The following SPNS2 variants were observed in gnomAD, a reference collection of about 807,000 sequenced individuals.
The protein encoded by SPNS2 is SPNS lysolipid transporter 2, sphingosine-1-phosphate, also known as sphingosine-1-phosphate transporter SPNS2.
A neutral mutation model predicts 57.6 loss-of-function variants in SPNS2; 37 were observed. The ratio of observed to expected loss-of-function variants is 0.64; its 90% CI spans 0.49 to 0.85. The LOEUF is 0.85. Ranked by LOEUF, SPNS2 falls within the 40% of genes least tolerant of loss-of-function variation. SPNS2 has a pLI of 0.00. For missense variants in SPNS2, 831 were observed against 779.1 expected (o/e 1.07, Z -0.79); for synonymous variants, 440 against 346.9 (o/e 1.27, Z -2.98).
chr17:4,532,845 C>T, intron 6 of SPNS2, 132 bp from the exon 7 acceptor site: 1 of 1,458,328 alleles, frequency 6.9e-7, no homozygotes, highest in Non-Finnish European at 9.2e-7. Flanking sequence ...ATTATTCCTG[C>T]AGCCTGAACC....
chr17:4,513,435 G>A, intron 2 of SPNS2, 123 bp downstream of exon 2: 1 of 1,023,198 alleles, frequency 9.8e-7, no homozygotes. Context: ...AAGAGAGTGG[G>A]CTTTGCATCC....
rs1395107719 is a variant in SPNS2, at chr17:4,499,343, G to T, written c.296G>T (p.Arg99Leu). 4 of 1,457,030 alleles carry T rather than the reference G, an allele frequency of 2.7e-6. No individual in the cohort carries two copies. In the South Asian group the frequency reaches 5.3e-5, roughly 19 times the overall value. 90.3% of individuals were successfully genotyped at this position (1,457,030 alleles called of 1,614,324 possible). Reference sequence around the variant, plus strand: ...CAGCCCAAACCGGCCAGCTTGGGCCGCGGGCGGGGGGCAGCCGCCGCCATC... The same window carrying T: ...CAGCCCAAACCGGCCAGCTTGGGCCTCGGGCGGGGGGCAGCCGCCGCCATC... ...AQQPKPASLG[R>L]GRGAAAAILS... Residue 99 changes from arginine to leucine, a missense_variant, in exon 1 of 13, where the codon CGC (arginine) becomes CTC (leucine). Coordinates refer to ENST00000329078, the MANE Select transcript of SPNS2 (RefSeq NM_001124758.3). The surrounding 1 kb of genome is among the most constrained non-coding windows in gnomAD (Gnocchi z 5.2).
chr17:4,498,937 G>C lies in SPNS2; in HGVS notation c.-111G>C, dbSNP rs1904355604. On this transcript the variant is annotated 5_prime_UTR_variant, in exon 1 of 13. Coordinates refer to ENST00000329078, the MANE Select transcript of SPNS2 (RefSeq NM_001124758.3). ...CGGGGCCGGAGCGCAGGAGCCGACGGGGCCCGACCAGGATGGTGCAGTGGC... is the reference window on the plus strand; with the variant it reads ...CGGGGCCGGAGCGCAGGAGCCGACGCGGCCCGACCAGGATGGTGCAGTGGC... 4.9e-6 allele frequency: 3 copies of C among 606,470 alleles called. No individual in the cohort carries two copies. Among genetic ancestry groups the C allele is most frequent in the Non-Finnish European group, 6.2e-6 (3 of 484,218 alleles). 37.6% of individuals were successfully genotyped at this position (606,470 alleles called of 1,614,324 possible).
rs1227541153 is a variant in SPNS2 at position 4,537,469 on chromosome 17, GA to G, written c.*23del. ...TTTCCCCAGGTGCCATTGGGACAATGAAGAACCCACACTCCCACCTCGTCTG... is the reference window on the plus strand; with the variant it reads ...TTTCCCCAGGTGCCATTGGGACAATGAGAACCCACACTCCCACCTCGTCTG... On this transcript the variant is annotated 3_prime_UTR_variant, in exon 13 of 13. Coordinates refer to ENST00000329078, the MANE Select transcript of SPNS2 (RefSeq NM_001124758.3). 4 of 455,228 alleles carry G rather than the reference GA, an allele frequency of 8.8e-6. No homozygotes were observed. The highest frequency in any genetic ancestry group is 3.1e-5 in the South Asian group (2 of 64,518). The allele number at this position is 455,228 out of a possible 1,614,324, so 28.2% of individuals were successfully genotyped here.
intron 1 of SPNS2, among the ~76,000 whole-genome samples, chr17:4,507,131 C>A (rs927912128): frequency 1.3e-5 from 2 of 152,188 alleles, no homozygotes; most frequent in Admixed American, 1.3e-4. Context: ...AGCGCCAGGT[C>A]AGCAGAGCCA....
Position 4,538,136 on chromosome 17 carries a change from C to G in SPNS2, c.*688C>G, listed in dbSNP as rs1905970464. The G allele has an allele frequency of 6.7e-6, 2 of 296,722 alleles. No homozygotes were observed. Among genetic ancestry groups the G allele is most frequent in the African/African-American group, 4.3e-5 (2 of 46,072 alleles). 18.4% of individuals were successfully genotyped at this position (296,722 alleles called of 1,614,324 possible). ...GGACTGTTCTGACAAGCTGGCATCA[C>G]CAGGGGTGAAGGCCCTGGCTGCAGC... On this transcript the variant is annotated 3_prime_UTR_variant, in exon 13 of 13. Coordinates refer to ENST00000329078, the MANE Select transcript of SPNS2 (RefSeq NM_001124758.3).
chr17:4,535,180 C>T (rs191563344), intron 9 of SPNS2, among the ~76,000 whole-genome samples: 3 of 152,290 alleles, frequency 2.0e-5, no homozygotes, highest in Non-Finnish European at 2.9e-5. Context: ...ACCCCAGCCC[C>T]TCCTGTCTGA....
chr17:4,526,480 A>G (rs1239230434), intron 3 of SPNS2, among the ~76,000 whole-genome samples: 1 of 152,052 alleles, frequency 6.6e-6, no homozygotes, highest in Admixed American at 6.6e-5. Flanking sequence ...GTGCATGCCT[A>G]TAATCCCAGC....
In SPNS2 at chr17:4,499,479, G is replaced by A. The variant is rs186114560; in HGVS notation, c.370+62G>A. ...CCCACCCCATCCCACCACCCGCCTC[G>A]AGGGAGGTACCCCAGAGAGCTTTTG... On this transcript the variant is annotated intron_variant, in intron 1 of 12. Transcript: ENST00000329078. The surrounding 1 kb of genome is among the most constrained non-coding windows in gnomAD (Gnocchi z 5.2). The A allele has an allele frequency of 4.9e-5, 55 of 1,122,706 alleles. No individual in the cohort carries two copies. The Middle Eastern group carries it at 1.4e-3, about 29-fold the overall frequency. 69.5% of individuals were successfully genotyped at this position (1,122,706 alleles called of 1,614,324 possible).
chr17:4,532,164 A>G lies in SPNS2; in HGVS notation c.793-378A>G, dbSNP rs75743717. Reference sequence around the variant, plus strand: ...CATCCATCTGTCCATCCGTCTGTCCATCTGTCCATCTATCCGTCCATCCCT... The same window carrying G: ...CATCCATCTGTCCATCCGTCTGTCCGTCTGTCCATCTATCCGTCCATCCCT... On this transcript the variant is annotated intron_variant, in intron 5 of 12. Coordinates refer to ENST00000329078, the MANE Select transcript of SPNS2 (RefSeq NM_001124758.3). Among the ~76,000 whole-genome samples the G allele has an allele frequency of 7.1e-5, 5 of 70,032 alleles. No homozygotes were observed. The East Asian group carries it at 2.4e-3, about 33-fold the overall frequency. 45.9% of individuals were successfully genotyped at this position (70,032 alleles called of 152,430 possible).
rs554532540 is a variant in SPNS2 at position 4,510,869 on chromosome 17, G to A, written c.371-2378G>A. On this transcript the variant is annotated intron_variant, in intron 1 of 12. Coordinates refer to ENST00000329078, the MANE Select transcript of SPNS2 (RefSeq NM_001124758.3). This position sits in a 1 kb window ranked among gnomAD's most constrained non-coding sequence, Gnocchi z 4.4. ...GAGGACACCAGCAAACCACGCAGAA[G>A]GCAGCGTGGCAGGAGAACGAGCTTT... Among the ~76,000 whole-genome samples, 4 of 152,334 alleles carry A rather than the reference G, an allele frequency of 2.6e-5. 1 individual carries two copies. In the South Asian group the frequency reaches 8.3e-4, roughly 32 times the overall value.
rs192195173 is a variant in SPNS2, at chr17:4,522,573, T to C, written c.437-2484T>C. Among the ~76,000 whole-genome samples, 7 of 152,276 alleles carry C rather than the reference T, an allele frequency of 4.6e-5. No individual in the cohort carries two copies. The East Asian group carries it at 1.2e-3, about 25-fold the overall frequency. The stretch of plus-strand genomic sequence containing the variant: ...TCTTTCACCTCTCTCTTTTCCTCCT[T>C]CCTCCCTCCCTCTTTCTCTTCTCTC... On this transcript the variant is annotated intron_variant, in intron 2 of 12. Transcript: ENST00000329078.
rs1048384449 is a variant in SPNS2, at chr17:4,532,702, G to T, written c.935+18G>T. On this transcript the variant is annotated intron_variant, in intron 6 of 12. Coordinates refer to ENST00000329078, the MANE Select transcript of SPNS2 (RefSeq NM_001124758.3). ...ATTCGAAAGTGAGTACCGCGGGAAG[G>T]GGTCTGGTGGGAAGAGAGAGGGGTG... 6.2e-7 allele frequency: 1 copy of T among 1,611,460 alleles called. No individual in the cohort carries two copies. The highest frequency in any genetic ancestry group is 1.3e-5 in the African/African-American group (1 of 74,918).
At chr17:4,531,007 C>G (rs1403414942) in intron 4 of SPNS2, 46 bp from the exon 5 acceptor site, 2 of 1,606,516 alleles carry the variant, frequency 1.2e-6, no homozygotes, top group South Asian at 1.1e-5. Context: ...CTCCCTGTCC[C>G]CAGCCCCTGT....
chr17:4,537,045 C>A, intron 12 of SPNS2, 99 bp downstream of exon 12: 1 of 1,242,826 alleles, frequency 8.0e-7, no homozygotes, highest in Non-Finnish European at 1.2e-6. Flanking sequence ...CACCTCCTAC[C>A]CCAGCACATC....
chr17:4,515,538 C>A (rs1405394113), intron 2 of SPNS2, among the ~76,000 whole-genome samples: 3 of 152,202 alleles, frequency 2.0e-5, no homozygotes, highest in African/African-American at 7.2e-5. Flanking sequence ...CCTCACCTGT[C>A]ACCTACCCCG....
intron 3 of SPNS2, among the ~76,000 whole-genome samples, chr17:4,530,193 G>A (rs1036613702): frequency 6.6e-6 from 1 of 152,122 alleles, no homozygotes; most frequent in African/African-American, 2.4e-5. Flanking sequence ...GGCCCTCAGT[G>A]CTGCCAGGGT....
At position 4,538,509 on chromosome 17, in the gene SPNS2, T is replaced by C; in HGVS notation, c.*1061T>C. The C allele has an allele frequency of 3.4e-6, 1 of 291,298 alleles. No individual in the cohort carries two copies. The highest frequency in any genetic ancestry group is 6.6e-6 in the Non-Finnish European group (1 of 151,868). The allele number at this position is 291,298 out of a possible 1,614,324, so 18.0% of individuals were successfully genotyped here. On this transcript the variant is annotated 3_prime_UTR_variant, in exon 13 of 13. Transcript: ENST00000329078. ...CCTTCGATCACCCACCTCCCATCCA[T>C]GCACACACCAGGATGCAGCTGCCAA...
At chr17:4,502,938 A>C (rs546596113) in intron 1 of SPNS2, among the ~76,000 whole-genome samples, 1 of 152,200 alleles carries the variant, frequency 6.6e-6, no homozygotes, top group African/African-American at 2.4e-5. Context: ...GAACCTGCTA[A>C]TTACGGCCTC....
Sources: allele counts gnomAD v4.1 joint callset (sites outside exome capture counted in the v4.1 genomes callset), GRCh38; gene constraint gnomAD v4.1.1; non-coding constraint Gnocchi (gnomAD v3.1); transcripts MANE v1.5; gene names NCBI Gene and HGNC (gene_info 2026-07-23, HGNC 2026-07-21).